TCERG1: variants seen among roughly 807,000 people sequenced by gnomAD.
TCERG1 encodes the protein TATA box binding protein (TBP)-associated factor, RNA polymerase II, S, 150kD.
In TCERG1, 37 loss-of-function variants were observed where a neutral mutation model predicts 144.7. The ratio of observed to expected loss-of-function variants is 0.26; its 90% CI spans 0.20 to 0.34. TCERG1 has a LOEUF of 0.34. TCERG1 is among the 10% of genes least tolerant of loss of function. TCERG1 has a pLI of 1.00. For synonymous variants in TCERG1, 492 were observed against 458.2 expected, an observed-to-expected ratio of 1.07 and a Z score of -0.94; for missense variants, 1,027 against 1,380.7, an observed-to-expected ratio of 0.74 and a Z score of 4.06.
At chr5:146,488,593 CAGAAAAG>C (rs1056634507) in intron 15 of TCERG1, among the ~76,000 whole-genome samples, 2 of 152,188 alleles carry the variant, frequency 1.3e-5, no homozygotes, top group Admixed American at 6.5e-5. Context: ...CAAGGATACT[CAGAAAAG>C]GGAACTCTTT....
At chr5:146,457,400 G>A in intron 3 of TCERG1, 65 bp downstream of exon 3, 29 of 1,440,668 alleles carry the variant, frequency 2.0e-5, no homozygotes, top group Non-Finnish European at 2.5e-5. Flanking sequence ...AAGAGTTCTG[G>A]CAGATTGAGG....
intron 1 of TCERG1, among the ~76,000 whole-genome samples, chr5:146,447,902 C>T (rs571146717): frequency 6.6e-6 from 1 of 152,258 alleles, no homozygotes; most frequent in Non-Finnish European, 1.5e-5. Context: ...CCTTTCATTT[C>T]ATCCCCCTCA....
At chr5:146,484,705 G>T (rs1007180488) in intron 15 of TCERG1, among the ~76,000 whole-genome samples, 19 of 151,798 alleles carry the variant, frequency 1.3e-4, no homozygotes, top group African/African-American at 4.4e-4. Flanking sequence ...TCAGTTTATG[G>T]CTCTATCAAA....
intron 5 of TCERG1, among the ~76,000 whole-genome samples, chr5:146,466,754 T>G (rs1763826155): frequency 6.6e-6 from 1 of 152,138 alleles, no homozygotes; most frequent in South Asian, 2.1e-4. Flanking sequence ...AATAGAAGAG[T>G]TCTGCGAGCC....
chr5:146,471,954 GAAAA>G (rs1331362464), intron 9 of TCERG1, among the ~76,000 whole-genome samples: 1 of 152,092 alleles, frequency 6.6e-6, no homozygotes, highest in Admixed American at 6.5e-5. Context: ...TTTGTAGAAA[GAAAA>G]AGTACTTTAA....
intron 4 of TCERG1, 63 bp from the exon 5 acceptor site, chr5:146,463,488 G>C: frequency 6.3e-7 from 1 of 1,599,744 alleles, no homozygotes; most frequent in South Asian, 1.1e-5. Flanking sequence ...TGTAAATGAT[G>C]AATGAATATA....
At chr5:146,471,455 T>C (rs1170578731) in intron 8 of TCERG1, 33 bp from the exon 9 acceptor site, 2 of 1,580,812 alleles carry the variant, frequency 1.3e-6, no homozygotes, top group Non-Finnish European at 1.7e-6. Context: ...ATTGTTAATG[T>C]GATACTAATT....
intron 4 of TCERG1, among the ~76,000 whole-genome samples, chr5:146,459,660 A>G (rs1459191110): frequency 6.6e-6 from 1 of 152,202 alleles, no homozygotes; most frequent in Non-Finnish European, 1.5e-5. Context: ...AGTTTCCAGT[A>G]TTCCTAATCG....
intron 9 of TCERG1, among the ~76,000 whole-genome samples, chr5:146,473,586 C>G (rs1764551106): frequency 6.6e-6 from 1 of 152,184 alleles, no homozygotes; most frequent in African/African-American, 2.4e-5. Flanking sequence ...CGCTTGGCTT[C>G]AAAGGATGGG....
chr5:146,486,743 T>C (rs944768874), intron 15 of TCERG1, among the ~76,000 whole-genome samples: 1 of 152,042 alleles, frequency 6.6e-6, no homozygotes, highest in African/African-American at 2.4e-5. Context: ...ATCTTACATA[T>C]GGAAAAACCT....
intron 5 of TCERG1, among the ~76,000 whole-genome samples, chr5:146,465,107 A>G (rs953565003): frequency 6.6e-6 from 1 of 152,210 alleles, no homozygotes; most frequent in Non-Finnish European, 1.5e-5. Flanking sequence ...TAAATTTAAG[A>G]CAAGCAGCTG....
Position 146,479,868 on chromosome 5 carries a change from G to T in TCERG1, c.1776G>T (p.Pro592=). Residue 592 remains proline, a synonymous_variant, in exon 11 of 23, where the codon CCG becomes CCT. Coordinates refer to ENST00000679501, the MANE Select transcript of TCERG1 (RefSeq NM_001382548.1). ...TGTTTTTGCCAGGGCACCCAACTCCGACAATGCTGTCGATCCAAAAGTGGC... is the reference window on the plus strand; with the variant it reads ...TGTTTTTGCCAGGGCACCCAACTCCTACAATGCTGTCGATCCAAAAGTGGC... The part of the protein sequence containing the change: ...EELKKLRHPT[P]TMLSIQKWQF... 9 of 1,613,414 alleles carry T rather than the reference G, an allele frequency of 5.6e-6. No homozygotes were observed. Among genetic ancestry groups the T allele is most frequent in the Non-Finnish European group, 7.6e-6 (9 of 1,179,602 alleles).
intron 1 of TCERG1, among the ~76,000 whole-genome samples, chr5:146,452,941 T>G (rs1413354449): frequency 6.6e-6 from 1 of 152,214 alleles, no homozygotes; most frequent in African/African-American, 2.4e-5. Flanking sequence ...GACAAGTGAC[T>G]TCTTTGCTTT....
At chr5:146,463,006 T>C (rs2150314448) in intron 4 of TCERG1, among the ~76,000 whole-genome samples, 1 of 152,320 alleles carries the variant, frequency 6.6e-6, no homozygotes, top group South Asian at 2.1e-4. Context: ...TCTGCCCTTT[T>C]CCTATCCATT....
Position 146,510,856 on chromosome 5 carries a change from G to T in TCERG1, c.*214G>T, listed in dbSNP as rs1321614657. On this transcript the variant is annotated 3_prime_UTR_variant, in exon 23 of 23. Coordinates refer to ENST00000679501, the MANE Select transcript of TCERG1 (RefSeq NM_001382548.1). ...TGACATACATACTCAAATATAGGCT[G>T]TCTCTAGTAAATCTTAAAATCTTGA... is the stretch of plus-strand genomic sequence containing the variant. 5.0e-6 allele frequency: 2 copies of T among 398,206 alleles called. No individual in the cohort carries two copies. The highest frequency in any genetic ancestry group is 8.8e-6 in the Non-Finnish European group (2 of 226,108). 24.7% of individuals were successfully genotyped at this position (398,206 alleles called of 1,614,324 possible).
chr5:146,453,308 A>T (rs61677065), intron 1 of TCERG1, among the ~76,000 whole-genome samples: 1 of 152,026 alleles, frequency 6.6e-6, no homozygotes. Context: ...AGTAATTTCA[A>T]ATTTACAAAA....
Position 146,455,150 on chromosome 5 carries a change from C to A in TCERG1, c.154C>A (p.Pro52Thr), listed in dbSNP as rs1762717473. Reference protein sequence around the residue: ...GPPPLMRPPPPFGMMRGPPPP... With the variant: ...GPPPLMRPPPTFGMMRGPPPP... ...ACCACCTCTGATGCGACCTCCTCCA[C>A]CTTTTGGTATGATGCGAGGCCCTCC... Residue 52 changes from proline (P) to threonine (T), a missense_variant, in exon 2 of 23, where the codon CCT becomes ACT. Coordinates refer to ENST00000679501, the MANE Select transcript of TCERG1 (RefSeq NM_001382548.1). 1.6e-5 allele frequency: 26 copies of A among 1,614,134 alleles called. No individual in the cohort carries two copies. The highest frequency in any genetic ancestry group is 2.2e-5 in the Non-Finnish European group (26 of 1,180,056).
Position 146,469,626 on chromosome 5 carries a change from TGGA to T in TCERG1, c.1283_1285del (p.Gly428del), listed in dbSNP as rs1442363860. 6.2e-7 allele frequency: 1 copy of T among 1,613,534 alleles called. No individual in the cohort carries two copies. Among genetic ancestry groups the T allele is most frequent in the African/African-American group, 1.3e-5 (1 of 74,922 alleles). ...TTGCAGCTTCACCTGCTACCTTAGC[TGGA>T]GCAACAGCAGTTTCTGAATGGACTG... On this transcript the variant is annotated inframe_deletion, in exon 7 of 23. Transcript: ENST00000679501.
rs1768450876 is a variant in TCERG1 at position 146,511,489 on chromosome 5, AAACC to A, written c.*852_*855del. 6.6e-6 allele frequency: 1 copy of A among 152,658 alleles called. No individual in the cohort carries two copies. Among genetic ancestry groups the A allele is most frequent in the African/African-American group, 2.4e-5 (1 of 41,464 alleles). The allele number at this position is 152,658 out of a possible 1,614,324, so 9.5% of individuals were successfully genotyped here. On this transcript the variant is annotated 3_prime_UTR_variant, in exon 23 of 23. Transcript: ENST00000679501. ...TCAGTTTATGTATTTGAACTACAAT[AAACC>A]AACCCTTTTTATATATCTGTATTGT...
Sources: gnomAD v4.1 joint callset for allele counts (sites outside exome capture counted in the v4.1 genomes callset) on GRCh38, gnomAD v4.1.1 for gene constraint, MANE v1.5 for transcripts, NCBI Gene and HGNC (gene_info 2026-07-23, HGNC 2026-07-21) for gene names.